The following DMRT1 variants were observed in gnomAD, a reference collection of about 807,000 sequenced individuals.
DMRT1 encodes doublesex- and mab-3-related transcription factor 1.
A neutral mutation model predicts 32.3 loss-of-function variants in DMRT1; 7 were observed. The observed-to-expected ratio is 0.22, with a 90% CI of 0.12 to 0.41. The LOEUF (loss-of-function observed/expected upper bound fraction) is 0.41. Ranked by LOEUF, DMRT1 falls within the 10% of genes least tolerant of loss-of-function variation. The pLI is 1.00. For synonymous variants in DMRT1, 278 were observed against 206.1 expected, an observed-to-expected ratio of 1.35 and a Z score of -2.99; for missense variants, 625 against 500.5, an observed-to-expected ratio of 1.25 and a Z score of -2.37.
chr9:854,843 G>A (rs1434536521), intron 2 of DMRT1, among the ~76,000 whole-genome samples: 1 of 148,646 alleles, frequency 6.7e-6, no homozygotes, highest in Non-Finnish European at 1.5e-5. Context: ...TCGGCTCACT[G>A]CAAGCTCCGC....
At chr9:903,740 A>C (rs1817672996) in intron 3 of DMRT1, among the ~76,000 whole-genome samples, 1 of 152,142 alleles carries the variant, frequency 6.6e-6, no homozygotes, top group Non-Finnish European at 1.5e-5. Context: ...TCCAGAAGAA[A>C]CTAGAATTGG....
chr9:873,329 G>C (rs1224707525), intron 2 of DMRT1, among the ~76,000 whole-genome samples: 7 of 150,664 alleles, frequency 4.6e-5, no homozygotes, highest in African/African-American at 1.5e-4. Flanking sequence ...TTTTGAGATG[G>C]AGTTTTGCGC....
chr9:964,387 T>C (rs1819866939), intron 4 of DMRT1, among the ~76,000 whole-genome samples: 1 of 152,222 alleles, frequency 6.6e-6, no homozygotes, highest in African/African-American at 2.4e-5. Context: ...GGTAGACAAA[T>C]AGGCTTCTTG....
intron 3 of DMRT1, among the ~76,000 whole-genome samples, chr9:915,469 A>C (rs1818142625): frequency 1.4e-5 from 2 of 147,162 alleles, no homozygotes; most frequent in African/African-American, 5.0e-5. Context: ...TGCCGGAAAA[A>C]AATGAATGAC....
rs759786063 is a variant in DMRT1 at position 847,111 on chromosome 9, C to T, written c.506C>T (p.Pro169Leu). ...MTECSGTSQPPPASVPTTAAS... is the reference protein window; with the variant it reads ...MTECSGTSQPLPASVPTTAAS... ...GAGTGCAGTGGCACCTCTCAGCCAC[C>T]GCCGGCCAGTGTCCCCACCACTGCA... The change falls in exon 2 of 5, where the codon CCG becomes CTG. Residue 169 changes from proline to leucine, a missense_variant. By Grantham distance (98) the Pro-to-Leu change is moderately conservative (BLOSUM62 -3). Transcript: ENST00000382276. 3.0e-5 allele frequency: 48 copies of T among 1,613,286 alleles called. No homozygotes were observed. The highest frequency in any genetic ancestry group is 3.3e-5 in the Admixed American group (2 of 60,002).
At chr9:850,081 A>G (rs1165999210) in intron 2 of DMRT1, among the ~76,000 whole-genome samples, 1 of 152,140 alleles carries the variant, frequency 6.6e-6, no homozygotes, top group African/African-American at 2.4e-5. Flanking sequence ...AGCCTCCCAA[A>G]GTTCTGGGAT....
At chr9:862,201 G>A (rs1432369641) in intron 2 of DMRT1, among the ~76,000 whole-genome samples, 2 of 151,518 alleles carry the variant, frequency 1.3e-5, no homozygotes, top group Admixed American at 6.6e-5. Flanking sequence ...CTGCACTCCA[G>A]CCTGGGCAAC....
At chr9:932,341 G>A (rs1240064724) in intron 4 of DMRT1, among the ~76,000 whole-genome samples, 4 of 152,170 alleles carry the variant, frequency 2.6e-5, no homozygotes, top group Non-Finnish European at 4.4e-5. Context: ...GCCTCCACAC[G>A]CAGGGACATG....
At position 909,948 on chromosome 9, in the gene DMRT1, A is replaced by G. The variant is rs530245599; in HGVS notation, c.823-6815A>G. On this transcript the variant is annotated intron_variant, in intron 3 of 4. Coordinates refer to ENST00000382276, the MANE Select transcript of DMRT1 (RefSeq NM_021951.3). ...AGACTGTTCTCCAACCCCCGGGCTC[A>G]AATAATCCTTCCTCCTCAGCCTCCC... Among the ~76,000 whole-genome samples, 183 of 152,284 alleles carry G rather than the reference A, an allele frequency of 1.2e-3. 1 individual carries two copies. Among genetic ancestry groups the G allele is most frequent in the South Asian group, 4.8e-3 (23 of 4,816 alleles).
At chr9:967,711 TTTTG>T (rs1341630269) in intron 4 of DMRT1, among the ~76,000 whole-genome samples, 1 of 152,156 alleles carries the variant, frequency 6.6e-6, no homozygotes, top group Non-Finnish European at 1.5e-5. Flanking sequence ...AGCCGACTTG[TTTTG>T]TTTTTTAATG....
At chr9:879,998 A>G (rs893646418) in intron 2 of DMRT1, among the ~76,000 whole-genome samples, 4 of 152,208 alleles carry the variant, frequency 2.6e-5, no homozygotes, top group Non-Finnish European at 4.4e-5. Context: ...GGGGCCATAA[A>G]TTTTCTAAAA....
intron 4 of DMRT1, among the ~76,000 whole-genome samples, chr9:935,436 A>G (rs1276081021): frequency 1.3e-5 from 2 of 152,202 alleles, no homozygotes; most frequent in Non-Finnish European, 2.9e-5. Context: ...AGGTTGAGAG[A>G]GTGTAATTGC....
intron 2 of DMRT1, among the ~76,000 whole-genome samples, chr9:850,376 G>T (rs1277840770): frequency 6.6e-6 from 1 of 152,190 alleles, no homozygotes; most frequent in African/African-American, 2.4e-5. Context: ...CTTGTATGCA[G>T]CAAAGGGAGC....
intron 2 of DMRT1, among the ~76,000 whole-genome samples, chr9:881,112 C>G (rs531383116): frequency 4.6e-5 from 7 of 152,170 alleles, no homozygotes; most frequent in South Asian, 2.1e-4. Context: ...TCTATAGACC[C>G]CCCCCACCTC....
intron 2 of DMRT1, among the ~76,000 whole-genome samples, chr9:850,289 A>G (rs1013392787): frequency 2.0e-5 from 3 of 152,220 alleles, no homozygotes; most frequent in Admixed American, 6.5e-5. Flanking sequence ...AACTACGTAA[A>G]TATAGAGACA....
chr9:894,402 T>C (rs1416960222), intron 3 of DMRT1: 5 of 625,708 alleles, frequency 8.0e-6, no homozygotes, highest in Non-Finnish European at 1.4e-5. Flanking sequence ...AATTTTTTAC[T>C]CTGTCAATAA....
intron 4 of DMRT1, among the ~76,000 whole-genome samples, chr9:920,965 A>G (rs563221253): frequency 6.6e-6 from 1 of 152,156 alleles, no homozygotes; most frequent in Non-Finnish European, 1.5e-5. Flanking sequence ...TTGATAAAAT[A>G]TTGGGGCTTG....
At position 877,116 on chromosome 9, in the gene DMRT1, C is replaced by G. The variant is rs572981751; in HGVS notation, c.539-16796C>G. 1.8e-4 allele frequency among the ~76,000 whole-genome samples: 27 copies of G among 152,314 alleles called. No homozygotes were observed. The South Asian group carries it at 5.2e-3, about 29-fold the overall frequency. ...CTCTGTGGTCACATTCTGTGAAAGG[C>G]TATTGGATTTAATTCTCTGTGGTTC... On this transcript the variant is annotated intron_variant, in intron 2 of 4. Coordinates refer to ENST00000382276, the MANE Select transcript of DMRT1 (RefSeq NM_021951.3).
intron 4 of DMRT1, among the ~76,000 whole-genome samples, chr9:951,144 C>A (rs1406839289): frequency 3.9e-5 from 6 of 152,020 alleles, no homozygotes; most frequent in African/African-American, 1.4e-4. Context: ...AATCCTAGAG[C>A]CTCATTGAAG....
Sources: gnomAD v4.1 joint callset for allele counts (sites outside exome capture counted in the v4.1 genomes callset) on GRCh38, gnomAD v4.1.1 for gene constraint, MANE v1.5 for transcripts, NCBI Gene and HGNC (gene_info 2026-07-23, HGNC 2026-07-21) for gene names.